VRK1: variants seen among roughly 807,000 people sequenced by gnomAD.
VRK1 encodes the protein serine/threonine-protein kinase VRK1.
In VRK1, 33 loss-of-function variants were observed where a neutral mutation model predicts 57.1. The ratio of observed to expected loss-of-function variants is 0.58; its 90% CI spans 0.44 to 0.77. VRK1 has a LOEUF of 0.77. Ranked by LOEUF, VRK1 falls within the 30% of genes least tolerant of loss-of-function variation. VRK1 has a pLI of 0.00. For missense variants in VRK1, 413 were observed against 477.3 expected (o/e 0.87, Z 1.25); for synonymous variants, 137 against 147.8 (o/e 0.93, Z 0.53).
At position 96,825,027 on chromosome 14, in the gene VRK1, G is replaced by C. The variant is rs1336288117; in HGVS notation, c.-5-8440G>C. On this transcript the variant is annotated intron_variant, in intron 1 of 12. Transcript: ENST00000216639. Reference sequence around the variant, plus strand: ...TGATGGGAAGGATCTAGTTGAGGGAGACATTGAATATATTAGAGAAGGATT... The same window carrying C: ...TGATGGGAAGGATCTAGTTGAGGGACACATTGAATATATTAGAGAAGGATT... Among the ~76,000 whole-genome samples the C allele has an allele frequency of 8.5e-5, 13 of 152,298 alleles. 1 individual carries two copies. The highest frequency in any genetic ancestry group is 3.1e-4 in the African/African-American group (13 of 41,562).
intron 1 of VRK1, among the ~76,000 whole-genome samples, chr14:96,820,051 A>G (rs1700538111): frequency 6.6e-6 from 1 of 152,140 alleles, no homozygotes; most frequent in South Asian, 2.1e-4. Flanking sequence ...AACAGTGACC[A>G]TGACCTTTTT....
chr14:96,858,197 T>G (rs1888244163), intron 10 of VRK1, among the ~76,000 whole-genome samples: 1 of 152,126 alleles, frequency 6.6e-6, no homozygotes, highest in Admixed American at 6.5e-5. Context: ...GCTCAAGAGA[T>G]CTTCCCACCT....
intron 11 of VRK1, 56 bp from the exon 12 acceptor site, chr14:96,875,974 T>G: frequency 6.4e-7 from 1 of 1,562,362 alleles, no homozygotes; most frequent in Non-Finnish European, 8.8e-7. Context: ...GTGATGAGTT[T>G]GTAGTTTACT....
At chr14:96,835,196 T>C (rs1486064603) in intron 2 of VRK1, among the ~76,000 whole-genome samples, 1 of 152,198 alleles carries the variant, frequency 6.6e-6, no homozygotes, top group Non-Finnish European at 1.5e-5. Context: ...TATGATACAC[T>C]GAAACAGCCA....
intron 12 of VRK1, among the ~76,000 whole-genome samples, chr14:96,879,880 A>G (rs575109885): frequency 1.3e-5 from 2 of 151,940 alleles, no homozygotes; most frequent in South Asian, 4.2e-4. Context: ...CTGAGCCAAG[A>G]TCGTGTCACT....
At position 96,852,855 on chromosome 14, in the gene VRK1, C is replaced by T; in HGVS notation, c.399C>T (p.Arg133=). Residue 133 remains arginine, a synonymous_variant, in exon 6 of 13, where the codon CGC becomes CGT. Transcript: ENST00000216639. Reference sequence around the variant, plus strand: ...GTTACAGGTTTATGATAATGGATCGCTTTGGGAGTGACCTTCAGAAAATAT... The same window carrying T: ...GTTACAGGTTTATGATAATGGATCGTTTTGGGAGTGACCTTCAGAAAATAT... ...GKSYRFMIMD[R]FGSDLQKIYE... 1.9e-6 allele frequency: 3 copies of T among 1,613,846 alleles called. No individual in the cohort carries two copies. Among genetic ancestry groups the T allele is most frequent in the Non-Finnish European group, 2.5e-6 (3 of 1,179,844 alleles).
chr14:96,845,936 T>C (rs893824460), intron 3 of VRK1, among the ~76,000 whole-genome samples, 159 bp from the exon 4 acceptor site: 15 of 152,154 alleles, frequency 9.9e-5, no homozygotes, highest in Non-Finnish European at 1.8e-4. Context: ...TCTCTGAACA[T>C]TTCTAAGGAG....
At chr14:96,811,010 A>C (rs1886173011) in intron 1 of VRK1, among the ~76,000 whole-genome samples, 1 of 151,666 alleles carries the variant, frequency 6.6e-6, no homozygotes, top group African/African-American at 2.4e-5. Context: ...GCTCACTGCA[A>C]CCTCCGCCTC....
intron 11 of VRK1, among the ~76,000 whole-genome samples, chr14:96,868,934 T>C (rs1266783251): frequency 1.3e-5 from 2 of 152,010 alleles, no homozygotes; most frequent in African/African-American, 4.8e-5. Context: ...TAGCTGGGAT[T>C]ACAGGCATGC....
chr14:96,877,535 G>A, intron 12 of VRK1: 1 of 1,289,490 alleles, frequency 7.8e-7, no homozygotes, highest in South Asian at 1.2e-5. Context: ...ATACATCGAA[G>A]CATGTCTCAG....
At chr14:96,841,851 C>A (rs968707777) in intron 3 of VRK1, among the ~76,000 whole-genome samples, 1 of 150,762 alleles carries the variant, frequency 6.6e-6, no homozygotes, top group African/African-American at 2.4e-5. Context: ...AAAAAAAATA[C>A]CAAAAATAAA....
At chr14:96,880,372 G>A (rs1446072383) in intron 12 of VRK1, among the ~76,000 whole-genome samples, 1 of 152,154 alleles carries the variant, frequency 6.6e-6, no homozygotes, top group Non-Finnish European at 1.5e-5. Context: ...TGACTCTGGT[G>A]CCCCTGCTCT....
At chr14:96,852,433 A>G (rs956633433) in intron 5 of VRK1, among the ~76,000 whole-genome samples, 5 of 152,232 alleles carry the variant, frequency 3.3e-5, no homozygotes, top group African/African-American at 1.2e-4. Context: ...CCTTAAAAAT[A>G]AGGAGAAACA....
chr14:96,880,691 T>C (rs370131407), intron 12 of VRK1, among the ~76,000 whole-genome samples: 10 of 152,354 alleles, frequency 6.6e-5, no homozygotes, highest in Admixed American at 2.0e-4. Context: ...TCCATTTCAG[T>C]ATATCCCAGT....
Position 96,876,100 on chromosome 14 carries a change from CAG to C in VRK1, c.1142_1143del (p.Glu381GlyfsTer21). 1 of 1,613,592 alleles carries C rather than the reference CAG, an allele frequency of 6.2e-7. No individual in the cohort carries two copies. Among genetic ancestry groups the C allele is most frequent in the Non-Finnish European group, 8.5e-7 (1 of 1,179,656 alleles). ...GATACGGAATGGTCAAACACACAGA[CAG>C]AGGAGGCCATACAGACCCGTAAGTT... On this transcript the variant is annotated frameshift_variant, in exon 12 of 13. Coordinates refer to ENST00000216639, the MANE Select transcript of VRK1 (RefSeq NM_003384.3). LOFTEE classifies it high-confidence loss of function.
chr14:96,829,851 T>C (rs1023129702), intron 1 of VRK1, among the ~76,000 whole-genome samples: 1 of 152,156 alleles, frequency 6.6e-6, no homozygotes, highest in Non-Finnish European at 1.5e-5. Context: ...TATTTACTGC[T>C]CACTGATATT....
intron 10 of VRK1, among the ~76,000 whole-genome samples, chr14:96,857,217 T>G (rs1033396263): frequency 6.6e-6 from 1 of 152,086 alleles, no homozygotes; most frequent in East Asian, 1.9e-4. Context: ...ATGTTCCCCC[T>G]GGTTAGTACT....
At chr14:96,844,956 T>C (rs1378705239) in intron 3 of VRK1, among the ~76,000 whole-genome samples, 3 of 152,098 alleles carry the variant, frequency 2.0e-5, no homozygotes, top group African/African-American at 7.2e-5. Context: ...GTATCTTGAG[T>C]GAAGAAAAGG....
chr14:96,848,166 T>G (rs889230510), intron 5 of VRK1, among the ~76,000 whole-genome samples: 2 of 152,116 alleles, frequency 1.3e-5, no homozygotes, highest in Non-Finnish European at 2.9e-5. Flanking sequence ...GCCCTCCTCT[T>G]CTTGGTTTTG....
Sources: allele counts gnomAD v4.1 joint callset (sites outside exome capture counted in the v4.1 genomes callset), GRCh38; gene constraint gnomAD v4.1.1; transcripts MANE v1.5; gene names NCBI Gene and HGNC (gene_info 2026-07-23, HGNC 2026-07-21).